Variants in TASP1 observed in about 807,000 individuals in gnomAD.
TASP1 encodes the protein threonine aspartase 1.
A neutral mutation model predicts 56.6 loss-of-function variants in TASP1; 16 were observed. That is an observed-to-expected ratio of 0.28 (90% CI 0.19 to 0.43). TASP1 has a LOEUF of 0.43. Ranked by LOEUF, TASP1 falls within the 20% of genes least tolerant of loss-of-function variation. The probability of loss-of-function intolerance (pLI) is 1.00; values close to 1 mark genes in which losing one functional copy is unlikely to be tolerated. For missense variants in TASP1, 393 were observed against 511.6 expected (o/e 0.77, Z 2.24); for synonymous variants, 179 against 184.2 (o/e 0.97, Z 0.23).
At chr20:13,581,773 C>T (rs972235888) in intron 5 of TASP1, among the ~76,000 whole-genome samples, 1 of 152,158 alleles carries the variant, frequency 6.6e-6, no homozygotes, top group African/African-American at 2.4e-5. Context: ...GCTCCAGGCC[C>T]AGTGCCAAAT....
chr20:13,555,245 G>T (rs982201542), intron 8 of TASP1, among the ~76,000 whole-genome samples: 1 of 151,822 alleles, frequency 6.6e-6, no homozygotes, highest in Non-Finnish European at 1.5e-5. Context: ...TTAGCCAGGC[G>T]TGGTGGCGGG....
At chr20:13,146,366 AC>A in the TASP1 span, among the ~76,000 whole-genome samples, 1 of 151,792 alleles carries the variant, frequency 6.6e-6, no homozygotes, top group Non-Finnish European at 1.5e-5. Context: ...TGTACAACAA[AC>A]CCCCACGACA....
chr20:13,604,269 C>T (rs766953770), intron 4 of TASP1, among the ~76,000 whole-genome samples: 14 of 152,034 alleles, frequency 9.2e-5, no homozygotes, highest in Non-Finnish European at 2.1e-4. Flanking sequence ...GTCATGGGGG[C>T]GGATACTTCA....
At chr20:13,150,640 C>T in the TASP1 span, among the ~76,000 whole-genome samples, 1 of 152,174 alleles carries the variant, frequency 6.6e-6, no homozygotes, top group African/African-American at 2.4e-5. Flanking sequence ...TCAGATTCAT[C>T]CTACTCCTAC....
chr20:13,152,113 G>GATTCTGGAATCTAGGATTCTAGAATCCA, the TASP1 span, among the ~76,000 whole-genome samples: 15 of 152,266 alleles, frequency 9.9e-5, no homozygotes, highest in African/African-American at 3.4e-4. Flanking sequence ...TAACAACACA[G>GATTCTGGAATCTAGGATTCTAGAATCCA]ATTCTGGAAT....
chr20:13,473,178 T>A (rs1172315571), intron 11 of TASP1, among the ~76,000 whole-genome samples: 1 of 152,102 alleles, frequency 6.6e-6, no homozygotes, highest in African/African-American at 2.4e-5. Flanking sequence ...TGAGTTCATG[T>A]CCTTTGTAGT....
intron 11 of TASP1, among the ~76,000 whole-genome samples, chr20:13,482,212 G>A (rs6033723): frequency 0.22 from 33,520 of 152,062 alleles, 3,805 homozygotes; most frequent in Middle Eastern, 0.28. Context: ...TTTGTGGAAC[G>A]TGAGTTCATT....
the TASP1 span, among the ~76,000 whole-genome samples, chr20:13,161,707 T>C: frequency 2.6e-5 from 4 of 152,172 alleles, no homozygotes; most frequent in Admixed American, 6.5e-5. Context: ...TAGCAATTAG[T>C]AGGAACTTGA....
chr20:13,223,428 G>C, the TASP1 span, among the ~76,000 whole-genome samples: 2 of 152,156 alleles, frequency 1.3e-5, no homozygotes, highest in Admixed American at 1.3e-4. Context: ...ACATGGTACT[G>C]TTAATATAGC....
chr20:13,160,024 A>G, the TASP1 span: 3 of 1,612,594 alleles, frequency 1.9e-6, no homozygotes, highest in Non-Finnish European at 2.5e-6. Flanking sequence ...GGCATATGCT[A>G]GAGAAAAAAA....
chr20:13,628,161 A>G (rs1314189941), intron 2 of TASP1, among the ~76,000 whole-genome samples: 1 of 152,218 alleles, frequency 6.6e-6, no homozygotes, highest in African/African-American at 2.4e-5. Context: ...TCTGAATTCC[A>G]TTATTTAAGG....
chr20:13,562,060 A>G (rs1232619973), intron 7 of TASP1, among the ~76,000 whole-genome samples: 1 of 152,158 alleles, frequency 6.6e-6, no homozygotes, highest in Non-Finnish European at 1.5e-5. Context: ...TCAAATCTCA[A>G]TAGATTGTAA....
chr20:13,284,142 G>C, the TASP1 span, among the ~76,000 whole-genome samples: 1 of 152,198 alleles, frequency 6.6e-6, no homozygotes, highest in East Asian at 1.9e-4. Context: ...TCAGTAGATC[G>C]ACAGGGCAGC....
chr20:13,224,162 C>T, the TASP1 span, among the ~76,000 whole-genome samples: 2 of 152,036 alleles, frequency 1.3e-5, no homozygotes, highest in East Asian at 1.9e-4. Context: ...TAATAGTGTT[C>T]GGTGAGACTG....
At chr20:13,127,909 A>G in the TASP1 span, among the ~76,000 whole-genome samples, 1 of 152,112 alleles carries the variant, frequency 6.6e-6, no homozygotes, top group Non-Finnish European at 1.5e-5. Flanking sequence ...AGTCCAGTCT[A>G]GGAAGCCCTT....
chr20:13,364,153 A>G, the TASP1 span, among the ~76,000 whole-genome samples: 1 of 152,090 alleles, frequency 6.6e-6, no homozygotes, highest in Non-Finnish European at 1.5e-5. Context: ...TTGTAAAGGA[A>G]TTTTATTTTC....
chr20:13,146,963 C>T, the TASP1 span, among the ~76,000 whole-genome samples: 21 of 152,200 alleles, frequency 1.4e-4, no homozygotes, highest in Non-Finnish European at 2.5e-4. Flanking sequence ...GCCCAAAAAG[C>T]CAGTTCCTGG....
chr20:13,113,483 C>G, the TASP1 span, among the ~76,000 whole-genome samples: 9 of 152,012 alleles, frequency 5.9e-5, no homozygotes, highest in African/African-American at 1.9e-4. Context: ...AGGGAGATAT[C>G]AAGATAGAAA....
chr20:13,487,735 G>A (rs1305524092), intron 10 of TASP1, among the ~76,000 whole-genome samples: 3 of 152,042 alleles, frequency 2.0e-5, no homozygotes, highest in Non-Finnish European at 4.4e-5. Flanking sequence ...GGAAGAATGA[G>A]CAATAGCAAA....
Sources: gnomAD v4.1 joint callset for allele counts (sites outside exome capture counted in the v4.1 genomes callset) on GRCh38, gnomAD v4.1.1 for gene constraint, MANE v1.5 for transcripts, NCBI Gene and HGNC (gene_info 2026-07-23, HGNC 2026-07-21) for gene names.